Variants in FANCA observed in about 807,000 individuals in gnomAD.
The protein encoded by FANCA is Fanconi anemia group A protein.
A neutral mutation model predicts 194.3 loss-of-function variants in FANCA; 236 were observed. That is an observed-to-expected ratio of 1.21 (90% confidence interval 1.09 to 1.35). FANCA has a LOEUF of 1.35. Among genes scored for constraint, FANCA ranks in the 40% most tolerant of loss-of-function variants. The pLI, the probability that FANCA is intolerant of heterozygous loss-of-function variation, is 0.00. For missense variants in FANCA, 2,628 were observed against 1,813.9 expected (o/e 1.45, Z -8.15); for synonymous variants, 1,014 against 715.8 (o/e 1.42, Z -6.65).
intron 7 of FANCA, 113 bp from the exon 8 acceptor site, chr16:89,803,454 C>G (rs1244252793): frequency 3.1e-6 from 3 of 954,608 alleles, no homozygotes; most frequent in Non-Finnish European, 5.1e-6. Flanking sequence ...TTGGGCCCAC[C>G]AGGACCCCTG....
intron 8 of FANCA, among the ~76,000 whole-genome samples, chr16:89,801,922 C>T (rs191909587): frequency 6.6e-6 from 1 of 151,972 alleles, no homozygotes; most frequent in Non-Finnish European, 1.5e-5. Flanking sequence ...AAAACCAGAA[C>T]TGCCATATGA....
At chr16:89,750,307 C>T (rs570833949) in intron 31 of FANCA, among the ~76,000 whole-genome samples, 18 of 151,866 alleles carry the variant, frequency 1.2e-4, no homozygotes, top group Middle Eastern at 3.4e-3. Flanking sequence ...TGGTGAAACC[C>T]TGTCGCTACT....
rs943773590 is a variant in FANCA at position 89,816,570 on chromosome 16, C to T, written c.46G>A (p.Gly16Arg). 4.6e-6 allele frequency: 7 copies of T among 1,516,880 alleles called. No individual in the cohort carries two copies. In the South Asian group the frequency reaches 4.9e-5, roughly 11 times the overall value. 94.0% of individuals were successfully genotyped at this position (1,516,880 alleles called of 1,614,324 possible). Residue 16 changes from glycine (G) to arginine (R), a missense_variant, in exon 1 of 43, where the codon GGG becomes AGG. Coordinates refer to ENST00000389301, the MANE Select transcript of FANCA (RefSeq NM_000135.4). The part of the protein sequence containing the change: ...VPNSASGQDP[G>R]GRRRAWAELL... ...TCGGCCCAGGCCCTCCGGCGGCCCC[C>T]TGGGTCCTGGCCCGAGGCGGAGTTC...
intron 27 of FANCA, among the ~76,000 whole-genome samples, chr16:89,766,051 C>A (rs1026697059): frequency 6.6e-6 from 1 of 150,948 alleles, no homozygotes; most frequent in Non-Finnish European, 1.5e-5. Context: ...GGCTGGAGTG[C>A]AGTGGTGCAG....
Position 89,811,313 on chromosome 16 carries a change from G to A in FANCA, c.284-242C>T, listed in dbSNP as rs983401134. On this transcript the variant is annotated intron_variant, in intron 3 of 42. Transcript: ENST00000389301. ...AGAGTTATACATTGGTATTTGTTAC[G>A]TTTCCCATGACACAAAAGGAGCAAG... Among the ~76,000 whole-genome samples, 2 of 152,192 alleles carry A rather than the reference G, an allele frequency of 1.3e-5. 1 individual carries two copies. Among genetic ancestry groups the A allele is most frequent in the Middle Eastern group, 6.3e-3 (2 of 316 alleles).
intron 10 of FANCA, among the ~76,000 whole-genome samples, chr16:89,797,624 T>C (rs1163931342): frequency 6.6e-6 from 1 of 152,118 alleles, no homozygotes; most frequent in Non-Finnish European, 1.5e-5. Flanking sequence ...ACGCCTGTAA[T>C]CCCAGTACTT....
chr16:89,807,647 G>A (rs1333968766), intron 6 of FANCA, among the ~76,000 whole-genome samples: 1 of 152,122 alleles, frequency 6.6e-6, no homozygotes, highest in African/African-American at 2.4e-5. Flanking sequence ...CGCTTTGGGA[G>A]GCAGAGGCGG....
intron 33 of FANCA, 34 bp downstream of exon 33, chr16:89,748,625 A>T: frequency 6.6e-7 from 1 of 1,523,754 alleles, no homozygotes; most frequent in Middle Eastern, 1.7e-4. Context: ...AGGCACTGAC[A>T]GATCGGACGG....
intron 20 of FANCA, 75 bp from the exon 21 acceptor site, chr16:89,775,890 T>A: frequency 1.1e-6 from 1 of 906,878 alleles, no homozygotes; most frequent in Non-Finnish European, 1.7e-6. Flanking sequence ...CCCAAATCTA[T>A]TATAAAATAA....
rs773203161 is a variant in FANCA at position 89,737,985 on chromosome 16, C to G, written c.*616G>C. Reference sequence around the variant, plus strand: ...TGCCTCTGTCCCCCAGGTGTGAGGTCTGTGGGTTCCAGTGCAGGCAGCGGG... The same window carrying G: ...TGCCTCTGTCCCCCAGGTGTGAGGTGTGTGGGTTCCAGTGCAGGCAGCGGG... On this transcript the variant is annotated 3_prime_UTR_variant, in exon 43 of 43. Coordinates refer to ENST00000389301, the MANE Select transcript of FANCA (RefSeq NM_000135.4). 5 of 1,614,188 alleles carry G rather than the reference C, an allele frequency of 3.1e-6. No homozygotes were observed. The highest frequency in any genetic ancestry group is 8.5e-7 in the Non-Finnish European group (1 of 1,180,038).
At chr16:89,748,609 C>A (rs750244051) in intron 33 of FANCA, 50 bp downstream of exon 33, 3 of 1,393,044 alleles carry the variant, frequency 2.2e-6, no homozygotes, top group East Asian at 2.3e-5. Flanking sequence ...CTGCTGTTAG[C>A]GCCACAGGCA....
intron 31 of FANCA, among the ~76,000 whole-genome samples, chr16:89,751,268 G>A (rs2038580248): frequency 6.6e-6 from 1 of 152,130 alleles, no homozygotes; most frequent in Non-Finnish European, 1.5e-5. Context: ...TGGAGACCGA[G>A]ATGGGTGGTT....
Position 89,748,669 on chromosome 16 carries a change from T to C in FANCA, c.3338A>G (p.Asn1113Ser). 1.2e-6 allele frequency: 2 copies of C among 1,613,708 alleles called. No individual in the cohort carries two copies. The highest frequency in any genetic ancestry group is 1.7e-6 in the Non-Finnish European group (2 of 1,179,750). ...ARCEQFFHLV[N>S]SEMRNFCSHG... ...ACACGGGGCACCTACCATCTCAGAG[T>C]TGACCAAGTGGAAGAACTGCTCGCA... is the stretch of plus-strand genomic sequence containing the variant. The change falls in exon 33 of 43, where the codon AAC (asparagine) becomes AGC (serine). Residue 1113 changes from asparagine (N) to serine (S), a missense_variant. Coordinates refer to ENST00000389301, the MANE Select transcript of FANCA (RefSeq NM_000135.4).
At chr16:89,800,072 C>A (rs778535848) in intron 8 of FANCA, among the ~76,000 whole-genome samples, 2 of 152,202 alleles carry the variant, frequency 1.3e-5, no homozygotes, top group Non-Finnish European at 2.9e-5. Context: ...ACTCCAGTAC[C>A]GAAGGGACCT....
chr16:89,762,704 C>G (rs1030093786), intron 28 of FANCA: 1 of 439,760 alleles, frequency 2.3e-6, no homozygotes, highest in Admixed American at 2.4e-5. Flanking sequence ...GCAATCGTAG[C>G]TCGCTGCAGA....
chr16:89,758,317 T>A (rs2038830847), intron 30 of FANCA, among the ~76,000 whole-genome samples: 1 of 152,194 alleles, frequency 6.6e-6, no homozygotes, highest in Admixed American at 6.5e-5. Context: ...AGAACTACCA[T>A]GATTAAAAGT....
chr16:89,764,302 T>C (rs2143282860), intron 28 of FANCA, among the ~76,000 whole-genome samples: 1 of 152,316 alleles, frequency 6.6e-6, no homozygotes, highest in African/African-American at 2.4e-5. Context: ...GGTTTCTCTG[T>C]ATTTATTAAT....
At chr16:89,798,507 C>T in intron 10 of FANCA, 2 of 1,102,568 alleles carry the variant, frequency 1.8e-6, no homozygotes, top group Non-Finnish European at 2.2e-6. Flanking sequence ...GAAACAGTGG[C>T]AAATTCTACT....
intron 2 of FANCA, among the ~76,000 whole-genome samples, chr16:89,815,419 G>A (rs921344601): frequency 2.2e-5 from 3 of 134,082 alleles, no homozygotes; most frequent in African/African-American, 5.6e-5. Flanking sequence ...GCGTGATCTC[G>A]GCTCACTGCA....
Sources: allele counts gnomAD v4.1 joint callset (sites outside exome capture counted in the v4.1 genomes callset), GRCh38; gene constraint gnomAD v4.1.1; transcripts MANE v1.5; gene names NCBI Gene and HGNC (gene_info 2026-07-23, HGNC 2026-07-21).